VAMP2: variants seen among roughly 807,000 people sequenced by gnomAD.
VAMP2 encodes the protein vesicle associated membrane protein 2, also known as vesicle-associated membrane protein 2.
For missense variants in VAMP2, 95 were observed against 151.3 expected, an observed-to-expected ratio of 0.63 and a Z score of 1.95; for synonymous variants, 67 against 57.3, an observed-to-expected ratio of 1.17 and a Z score of -0.76.
intron 4 of VAMP2, 95 bp from the exon 5 acceptor site, chr17:8,160,966 C>T: frequency 4.6e-6 from 5 of 1,089,040 alleles, no homozygotes; most frequent in Non-Finnish European, 6.9e-6. Context: ...CTGCTCCAAT[C>T]CTCCCCACTC....
In VAMP2 at chr17:8,160,394, T is replaced by TGTTTTTTTTTTTG. The variant is rs1983267715; in HGVS notation, c.*460_*461insCAAAAAAAAAAAC. The TGTTTTTTTTTTTG allele has an allele frequency of 1.5e-5, 2 of 129,452 alleles. No individual in the cohort carries two copies. Among genetic ancestry groups the TGTTTTTTTTTTTG allele is most frequent in the Non-Finnish European group, 3.3e-5 (2 of 59,738 alleles). 8.0% of individuals were successfully genotyped at this position (129,452 alleles called of 1,614,324 possible). The stretch of plus-strand genomic sequence containing the variant: ...CAGGTGCTGTTGTTTTTTTTTTTTT[T>TGTTTTTTTTTTTG]TTTTTTTTTTTGAGGGCGGGGCAGA... On this transcript the variant is annotated 3_prime_UTR_variant, in exon 5 of 5. Transcript: ENST00000316509.
At chr17:8,161,328 G>T in intron 4 of VAMP2, 145 bp downstream of exon 4, 2 of 1,182,482 alleles carry the variant, frequency 1.7e-6, no homozygotes, top group South Asian at 1.6e-5. Flanking sequence ...CAAAGTTTTT[G>T]GCTCTAGATG....
rs1016575343 is a variant in VAMP2 at position 8,160,473 on chromosome 17, A to C, written c.*382T>G. The stretch of plus-strand genomic sequence containing the variant: ...AAGAGGAAAGGAAGGCCAGGGTGGG[A>C]GGAAGGATCAGCTAAATCTGAGGGA... On this transcript the variant is annotated 3_prime_UTR_variant, in exon 5 of 5. Transcript: ENST00000316509. 1.6e-5 allele frequency: 2 copies of C among 128,088 alleles called. No individual in the cohort carries two copies. Among genetic ancestry groups the C allele is most frequent in the African/African-American group, 6.3e-5 (2 of 31,750 alleles). The allele number at this position is 128,088 out of a possible 1,614,324, so 7.9% of individuals were successfully genotyped here. A position where few individuals can be genotyped will look rare whatever the true frequency, so the allele number is the denominator to read the frequency against.
In VAMP2 at chr17:8,162,799, G is replaced by A. The variant is rs546589683; in HGVS notation, c.2+79C>T. The A allele has an allele frequency of 6.1e-4, 737 of 1,217,582 alleles. 3 individuals carry two copies. The highest frequency in any genetic ancestry group is 5.6e-3 in the Admixed American group (130 of 23,128). 75.4% of individuals were successfully genotyped at this position (1,217,582 alleles called of 1,614,324 possible). ...GCGCGGGGAACGCAGGAGAGACCCCGGGCACTCCCGACGGCCGGTTGCCAA... is the reference window on the plus strand; with the variant it reads ...GCGCGGGGAACGCAGGAGAGACCCCAGGCACTCCCGACGGCCGGTTGCCAA... On this transcript the variant is annotated intron_variant, in intron 1 of 4. Coordinates refer to ENST00000316509, the MANE Select transcript of VAMP2 (RefSeq NM_014232.3).
Position 8,160,388 on chromosome 17 carries a change from T to TTG in VAMP2, c.*466_*467insCA, listed in dbSNP as rs1488234941. The TTG allele has an allele frequency of 2.1e-4, 27 of 126,860 alleles. 1 individual carries two copies. Among genetic ancestry groups the TTG allele is most frequent in the African/African-American group, 6.7e-4 (23 of 34,440 alleles). The allele number at this position is 126,860 out of a possible 1,614,324, so 7.9% of individuals were successfully genotyped here. On this transcript the variant is annotated 3_prime_UTR_variant, in exon 5 of 5. Transcript: ENST00000316509. The stretch of plus-strand genomic sequence containing the variant: ...CCTGGACAGGTGCTGTTGTTTTTTT[T>TTG]TTTTTTTTTTTTTTTTTGAGGGCGG...
rs910731167 is a variant in VAMP2 at position 8,160,724 on chromosome 17, G to A, written c.*131C>T. 4.2e-6 allele frequency: 3 copies of A among 711,240 alleles called. No individual in the cohort carries two copies. In the South Asian group the frequency reaches 9.6e-5, roughly 23 times the overall value. The allele number at this position is 711,240 out of a possible 1,614,324, so 44.1% of individuals were successfully genotyped here. A position where few individuals can be genotyped will look rare whatever the true frequency, so the allele number is the denominator to read the frequency against. ...AAATAACAGCTGGCTATTTACAGGG[G>A]GACACACACACGGACACACACACAC... On this transcript the variant is annotated 3_prime_UTR_variant, in exon 5 of 5. Transcript: ENST00000316509.
chr17:8,160,750 A>T lies in VAMP2; in HGVS notation c.*105T>A. 1.7e-6 allele frequency: 2 copies of T among 1,205,720 alleles called. No individual in the cohort carries two copies. Among genetic ancestry groups the T allele is most frequent in the Non-Finnish European group, 1.2e-6 (1 of 852,120 alleles). 74.7% of individuals were successfully genotyped at this position (1,205,720 alleles called of 1,614,324 possible). ...GACACACACACGGACACACACACAC[A>T]CGGATCCAGGGGAGTGGGGGCTGAA... On this transcript the variant is annotated 3_prime_UTR_variant, in exon 5 of 5. Coordinates refer to ENST00000316509, the MANE Select transcript of VAMP2 (RefSeq NM_014232.3).
In VAMP2 at chr17:8,160,292, G is replaced by C. The variant is rs531006809; in HGVS notation, c.*563C>G. The C allele has an allele frequency of 6.6e-6, 1 of 151,546 alleles. No homozygotes were observed. Among genetic ancestry groups the C allele is most frequent in the South Asian group, 2.1e-4 (1 of 4,786 alleles). The allele number at this position is 151,546 out of a possible 1,614,324, so 9.4% of individuals were successfully genotyped here. ...ATGCTGGACGCTCCCAAAGACCTTG[G>C]GATTCTTAGGACCAAGTGGGGCCAG... is the stretch of plus-strand genomic sequence containing the variant. On this transcript the variant is annotated 3_prime_UTR_variant, in exon 5 of 5. Transcript: ENST00000316509.
chr17:8,162,574 C>G lies in VAMP2; in HGVS notation c.3-205G>C, dbSNP rs1056453737. ...CGAGGCCCCCCCGGCCTCAGTTTCC[C>G]CGCCTGTCAACTGAGGGCGACCTCA... On this transcript the variant is annotated intron_variant, in intron 1 of 4. Transcript: ENST00000316509. 4.1e-6 allele frequency: 6 copies of G among 1,456,820 alleles called. No homozygotes were observed. The African/African-American group carries it at 8.7e-5, about 21-fold the overall frequency. 90.2% of individuals were successfully genotyped at this position (1,456,820 alleles called of 1,614,324 possible).
chr17:8,162,471 C>T, intron 1 of VAMP2, 102 bp from the exon 2 acceptor site: 1 of 1,553,596 alleles, frequency 6.4e-7, no homozygotes. Flanking sequence ...TCCAGTCCTC[C>T]TTTTCGGGAG....
At chr17:8,162,495 T>G in intron 1 of VAMP2, 126 bp from the exon 2 acceptor site, 1 of 1,547,470 alleles carries the variant, frequency 6.5e-7, no homozygotes, top group Non-Finnish European at 8.7e-7. Flanking sequence ...GGCCACCCGA[T>G]GTAAGCCCTG....
At chr17:8,161,891 C>T in intron 2 of VAMP2, 125 bp from the exon 3 acceptor site, 3 of 1,411,162 alleles carry the variant, frequency 2.1e-6, no homozygotes, top group Non-Finnish European at 2.9e-6. Context: ...GTTAACATGC[C>T]AAGGACACAC....
At chr17:8,162,849 G>A in intron 1 of VAMP2, 29 bp downstream of exon 1, 2 of 1,214,024 alleles carry the variant, frequency 1.6e-6, no homozygotes, top group Non-Finnish European at 2.0e-6. Flanking sequence ...GCAGGGAAGC[G>A]CGGTGAGGGT....
chr17:8,160,664 A>G lies in VAMP2; in HGVS notation c.*191T>C. The G allele has an allele frequency of 2.6e-6, 1 of 378,172 alleles. No homozygotes were observed. The highest frequency in any genetic ancestry group is 4.5e-6 in the Non-Finnish European group (1 of 223,706). The allele number at this position is 378,172 out of a possible 1,614,324, so 23.4% of individuals were successfully genotyped here. On this transcript the variant is annotated 3_prime_UTR_variant, in exon 5 of 5. Transcript: ENST00000316509. ...AAAAATCATCTAGTAATAAAACTAC[A>G]AACAGACCAAATATATATAATATTA...
chr17:8,160,377 G>GTTTTTTTTTTTTTTTTTTTTTTTTT lies in VAMP2; in HGVS notation c.*477_*478insAAAAAAAAAAAAAAAAAAAAAAAAA, dbSNP rs35724640. On this transcript the variant is annotated 3_prime_UTR_variant, in exon 5 of 5. Transcript: ENST00000316509. ...ACCTAAGGAAGCCTGGACAGGTGCT[G>GTTTTTTTTTTTTTTTTTTTTTTTTT]TTGTTTTTTTTTTTTTTTTTTTTTT... 5.1e-5 allele frequency: 2 copies of GTTTTTTTTTTTTTTTTTTTTTTTTT among 39,502 alleles called. No individual in the cohort carries two copies. The highest frequency in any genetic ancestry group is 5.4e-5 in the Non-Finnish European group (1 of 18,522). 2.4% of individuals were successfully genotyped at this position (39,502 alleles called of 1,614,324 possible). A position where few individuals can be genotyped will look rare whatever the true frequency, so the allele number is the denominator to read the frequency against.
rs1983216124 is a variant in VAMP2 at position 8,159,246 on chromosome 17, G to A, written c.*1609C>T. On this transcript the variant is annotated 3_prime_UTR_variant, in exon 5 of 5. Transcript: ENST00000316509. ...GGGAAGAGGGGGGCAGGGGACACTGGGATAATATGGGGGGTCTAAAACACA... is the reference window on the plus strand; with the variant it reads ...GGGAAGAGGGGGGCAGGGGACACTGAGATAATATGGGGGGTCTAAAACACA... 6.6e-6 allele frequency: 1 copy of A among 151,592 alleles called. No individual in the cohort carries two copies. Among genetic ancestry groups the A allele is most frequent in the African/African-American group, 2.4e-5 (1 of 41,190 alleles). The allele number at this position is 151,592 out of a possible 1,614,324, so 9.4% of individuals were successfully genotyped here. A position where few individuals can be genotyped will look rare whatever the true frequency, so the allele number is the denominator to read the frequency against.
chr17:8,162,199 C>CGCCAACCCCCAGGGTCCCTCCTACT, intron 2 of VAMP2, 50 bp downstream of exon 2: 2 of 1,500,678 alleles, frequency 1.3e-6, no homozygotes, highest in Non-Finnish European at 1.8e-6. Flanking sequence ...TACACCTATA[C>CGCCAACCCCCAGGGTCCCTCCTACT]GCCAACCCCC....
rs377440573 is a variant in VAMP2 at position 8,160,737 on chromosome 17, G to GAC, written c.*116_*117dup. On this transcript the variant is annotated 3_prime_UTR_variant, in exon 5 of 5. Transcript: ENST00000316509. ...CTATTTACAGGGGGACACACACACG[G>GAC]ACACACACACACACGGATCCAGGGG... 1.5e-4 allele frequency: 133 copies of GAC among 890,420 alleles called. No homozygotes were observed. Among genetic ancestry groups the GAC allele is most frequent in the Middle Eastern group, 5.3e-4 (2 of 3,748 alleles). 55.2% of individuals were successfully genotyped at this position (890,420 alleles called of 1,614,324 possible).
chr17:8,160,849 G>A lies in VAMP2; in HGVS notation c.*6C>T, dbSNP rs377279629. ...CTTCTCTAGGCAGGGCAGACTCCTCGGGGATTTAAGTGCTGAAGTAAACTG... is the reference window on the plus strand; with the variant it reads ...CTTCTCTAGGCAGGGCAGACTCCTCAGGGATTTAAGTGCTGAAGTAAACTG... On this transcript the variant is annotated 3_prime_UTR_variant, in exon 5 of 5. Transcript: ENST00000316509. 31 of 1,609,910 alleles carry A rather than the reference G, an allele frequency of 1.9e-5. No individual in the cohort carries two copies. The highest frequency in any genetic ancestry group is 5.4e-5 in the African/African-American group (4 of 74,624).
Sources: allele counts gnomAD v4.1 joint callset, GRCh38; gene constraint gnomAD v4.1.1; transcripts MANE v1.5; gene names NCBI Gene and HGNC (gene_info 2026-07-23, HGNC 2026-07-21).